Variants in RAP1A observed in about 807,000 individuals in gnomAD.
RAP1A encodes RAP1A, member of RAS oncogene family.
Under a neutral mutation model 26.4 loss-of-function variants are expected in RAP1A, and 6 were observed. That is an observed-to-expected ratio of 0.23 (90% CI 0.12 to 0.45). RAP1A has a LOEUF of 0.45. Ranked by LOEUF, RAP1A falls within the 20% of genes least tolerant of loss-of-function variation. RAP1A has a pLI of 0.99. For synonymous variants in RAP1A, 73 were observed against 79.4 expected, an observed-to-expected ratio of 0.92 and a Z score of 0.43; for missense variants, 121 against 217.2, an observed-to-expected ratio of 0.56 and a Z score of 2.78.
chr1:111,611,196 A>C (rs1249637614), intron 1 of RAP1A, among the ~76,000 whole-genome samples: 2 of 152,216 alleles, frequency 1.3e-5, no homozygotes, highest in African/African-American at 2.4e-5. Context: ...CCTAACTTTT[A>C]TCTAGTAAAC....
intron 1 of RAP1A, among the ~76,000 whole-genome samples, chr1:111,632,729 A>T (rs896259113): frequency 6.6e-6 from 1 of 151,972 alleles, no homozygotes; most frequent in Admixed American, 6.6e-5. Flanking sequence ...CCTGACCAAC[A>T]TGGAGAAACC....
At chr1:111,595,284 G>A (rs932378299) in intron 1 of RAP1A, among the ~76,000 whole-genome samples, 4 of 152,158 alleles carry the variant, frequency 2.6e-5, no homozygotes, top group African/African-American at 9.7e-5. Flanking sequence ...GGCTGCAGGA[G>A]GAACCTATAG....
chr1:111,683,942 G>A (rs1173620841), intron 1 of RAP1A, among the ~76,000 whole-genome samples: 2 of 152,070 alleles, frequency 1.3e-5, no homozygotes, highest in Admixed American at 6.6e-5. Flanking sequence ...ATCCAGCAAC[G>A]CATCAAAAAC....
At chr1:111,616,746 G>A (rs1197965574), upstream of RAP1A, among the ~76,000 whole-genome samples, 1 of 152,104 alleles carries the variant, frequency 6.6e-6, no homozygotes, top group Non-Finnish European at 1.5e-5. Context: ...CCAAGCAATG[G>A]AGTGTGGCTG....
chr1:111,714,031 G>C lies in RAP1A; in HGVS notation c.*1630G>C, dbSNP rs1662462338. On this transcript the variant is annotated 3_prime_UTR_variant, in exon 8 of 8. Transcript: ENST00000369709. ...CTTGCTGAGATTTTCCAGGCATGTG[G>C]TCAGCCTGTCACTTACTAAACTGAA... The C allele has an allele frequency of 6.6e-6, 1 of 152,184 alleles. No individual in the cohort carries two copies. The highest frequency in any genetic ancestry group is 2.4e-5 in the African/African-American group (1 of 41,440). The allele number at this position is 152,184 out of a possible 1,614,324, so 9.4% of individuals were successfully genotyped here.
chr1:111,609,735 A>T (rs1658887847), intron 1 of RAP1A, among the ~76,000 whole-genome samples: 1 of 152,116 alleles, frequency 6.6e-6, no homozygotes, highest in South Asian at 2.1e-4. Flanking sequence ...TCCTGAGTTC[A>T]AGTGATTCTC....
chr1:111,585,149 T>A (rs565626953), intron 1 of RAP1A, among the ~76,000 whole-genome samples: 12 of 152,308 alleles, frequency 7.9e-5, no homozygotes, highest in South Asian at 6.2e-4. Context: ...GATTTAATCC[T>A]CCTCTTTCAA....
intron 1 of RAP1A, among the ~76,000 whole-genome samples, chr1:111,581,883 G>A (rs978727983): frequency 6.6e-6 from 1 of 152,196 alleles, no homozygotes; most frequent in African/African-American, 2.4e-5. Flanking sequence ...TTTTATACAA[G>A]CACTTTATTT....
intron 1 of RAP1A, among the ~76,000 whole-genome samples, chr1:111,633,365 G>A (rs951218179): frequency 6.6e-6 from 1 of 152,160 alleles, no homozygotes; most frequent in Non-Finnish European, 1.5e-5. Context: ...GGCATATAAA[G>A]TGCAAGTATC....
chr1:111,607,544 G>A (rs1342509067), intron 1 of RAP1A, among the ~76,000 whole-genome samples: 1 of 151,740 alleles, frequency 6.6e-6, no homozygotes, highest in East Asian at 1.9e-4. Flanking sequence ...CCCAGACGGG[G>A]CGGCTGGCCG....
intron 1 of RAP1A, among the ~76,000 whole-genome samples, chr1:111,569,706 A>G (rs1485209785): frequency 6.6e-6 from 1 of 152,072 alleles, no homozygotes; most frequent in African/African-American, 2.4e-5. Flanking sequence ...TAAAGGAATC[A>G]TTCTCTAAGA....
intron 1 of RAP1A, among the ~76,000 whole-genome samples, chr1:111,643,268 C>T (rs780181880): frequency 1.9e-4 from 29 of 152,164 alleles, no homozygotes; most frequent in Admixed American, 8.5e-4. Flanking sequence ...TCACAAGCCA[C>T]GCAAAAACAG....
chr1:111,646,128 G>A (rs569873299), intron 1 of RAP1A, among the ~76,000 whole-genome samples: 2 of 152,250 alleles, frequency 1.3e-5, no homozygotes, highest in South Asian at 4.1e-4. Context: ...ATAGTTGAAG[G>A]CAGTAAGGAA....
intron 1 of RAP1A, among the ~76,000 whole-genome samples, chr1:111,592,456 A>G (rs1658488041): frequency 6.6e-6 from 1 of 152,184 alleles, no homozygotes; most frequent in East Asian, 1.9e-4. Flanking sequence ...GCACATGTAT[A>G]TTGGGGAGCA....
chr1:111,550,922 A>G (rs1033151902), intron 1 of RAP1A, among the ~76,000 whole-genome samples: 8 of 152,214 alleles, frequency 5.3e-5, no homozygotes, highest in Non-Finnish European at 1.0e-4. Flanking sequence ...TTAGATGTGT[A>G]CATGTTTATC....
upstream of RAP1A, among the ~76,000 whole-genome samples, chr1:111,617,660 TC>T (rs1394714265): frequency 1.3e-5 from 2 of 151,298 alleles, no homozygotes; most frequent in African/African-American, 4.8e-5. Flanking sequence ...GGTCTCGATC[TC>T]CTGACCTCGT....
At chr1:111,546,180 A>G (rs899892337) in intron 1 of RAP1A, among the ~76,000 whole-genome samples, 2 of 152,152 alleles carry the variant, frequency 1.3e-5, no homozygotes, top group African/African-American at 4.8e-5. Flanking sequence ...GAATTTTTAT[A>G]AGTTTTACAT....
At chr1:111,695,316 A>G (rs769998062) in intron 2 of RAP1A, 25 bp from the exon 3 acceptor site, 10 of 1,515,470 alleles carry the variant, frequency 6.6e-6, no homozygotes, top group Non-Finnish European at 8.0e-6. Context: ...TAATTTTTTA[A>G]TATTTCTCTT....
intron 1 of RAP1A, among the ~76,000 whole-genome samples, chr1:111,660,771 T>C (rs181104198): frequency 2.0e-5 from 3 of 152,344 alleles, no homozygotes; most frequent in Admixed American, 1.3e-4. Flanking sequence ...TATTTAGCTC[T>C]CTATTTAATA....
Sources: gnomAD v4.1 joint callset for allele counts (sites outside exome capture counted in the v4.1 genomes callset) on GRCh38, gnomAD v4.1.1 for gene constraint, MANE v1.5 for transcripts, NCBI Gene and HGNC (gene_info 2026-07-23, HGNC 2026-07-21) for gene names.